The following GLCCI1 variants were observed in gnomAD, a reference collection of about 807,000 sequenced individuals.
GLCCI1 encodes the protein glucocorticoid-induced transcript 1 protein.
In GLCCI1, 24 loss-of-function variants were observed where a neutral mutation model predicts 52.2. That is an observed-to-expected ratio of 0.46 (90% CI 0.33 to 0.65). GLCCI1 has a LOEUF of 0.65. Ranked by LOEUF, GLCCI1 falls within the 30% of genes least tolerant of loss-of-function variation. The pLI, the probability that GLCCI1 is intolerant of heterozygous loss-of-function variation, is 0.02. For missense variants in GLCCI1, 704 were observed against 701.5 expected (o/e 1.00, Z -0.04); for synonymous variants, 310 against 276.5 (o/e 1.12, Z -1.20).
At chr7:8,002,936 C>T (rs1218418506) in intron 1 of GLCCI1, among the ~76,000 whole-genome samples, 2 of 152,182 alleles carry the variant, frequency 1.3e-5, no homozygotes, top group Non-Finnish European at 2.9e-5. Flanking sequence ...TGTATAATGT[C>T]TGTAGATTTT....
Position 8,086,520 on chromosome 7 carries a change from G to C in GLCCI1, c.1626G>C (p.Gln542His), listed in dbSNP as rs201397976. Residue 542 changes from glutamine to histidine, a missense_variant, in exon 8 of 8, where the codon CAG becomes CAC. Physicochemically the swap from Gln to His is conservative, Grantham distance 24. Coordinates refer to ENST00000223145, the MANE Select transcript of GLCCI1 (RefSeq NM_138426.4). This position sits in a 1 kb window ranked among gnomAD's most constrained non-coding sequence, Gnocchi z 4.4. ...ELQGEDHISA[Q>H]NYVII ...AGGGTGAGGACCACATCTCTGCTCAGAACTATGTGATCATCTAAAAAAGGG... is the reference window on the plus strand; with the variant it reads ...AGGGTGAGGACCACATCTCTGCTCACAACTATGTGATCATCTAAAAAAGGG... 1.3e-6 allele frequency: 2 copies of C among 1,591,930 alleles called. No individual in the cohort carries two copies. Among genetic ancestry groups the C allele is most frequent in the Admixed American group, 1.8e-5 (1 of 54,572 alleles).
At chr7:8,070,418 G>A (rs1223498054) in intron 5 of GLCCI1, 1 of 152,630 alleles carries the variant, frequency 6.6e-6, no homozygotes, top group East Asian at 1.9e-4. Flanking sequence ...TGGATAATTT[G>A]CAAAGGAAAT....
In GLCCI1 at chr7:7,969,939, A is replaced by C; in HGVS notation, c.457+132A>C. 72 of 1,098,490 alleles carry C rather than the reference A, an allele frequency of 6.6e-5. No homozygotes were observed. Among genetic ancestry groups the C allele is most frequent in the Non-Finnish European group, 7.3e-5 (65 of 893,038 alleles). The allele number at this position is 1,098,490 out of a possible 1,614,324, so 68.0% of individuals were successfully genotyped here. On this transcript the variant is annotated intron_variant, in intron 1 of 7. Coordinates refer to ENST00000223145, the MANE Select transcript of GLCCI1 (RefSeq NM_138426.4). The surrounding 1 kb of genome is among the most constrained non-coding windows in gnomAD (Gnocchi z 4.9). ...GTGTGAAAGTGGCTTTGGGAATCTC[A>C]CCCCCCTGCGGTCGCTGTGGGGCTT...
chr7:8,063,925 C>T (rs900395833), intron 5 of GLCCI1, among the ~76,000 whole-genome samples: 1 of 152,060 alleles, frequency 6.6e-6, no homozygotes, highest in African/African-American at 2.4e-5. Flanking sequence ...TCATACCTGG[C>T]CATTTGCCCA....
At chr7:8,060,794 G>C (rs1289689225) in intron 5 of GLCCI1, among the ~76,000 whole-genome samples, 1 of 152,148 alleles carries the variant, frequency 6.6e-6, no homozygotes, top group African/African-American at 2.4e-5. Flanking sequence ...TGTATACAAG[G>C]TTTTGTGTGA....
intron 6 of GLCCI1, among the ~76,000 whole-genome samples, chr7:8,075,319 C>G (rs1385749351): frequency 6.6e-6 from 1 of 152,116 alleles, no homozygotes; most frequent in African/African-American, 2.4e-5. Flanking sequence ...CTGAAGGGAA[C>G]TTGGTCACAC....
Position 7,969,724 on chromosome 7 carries a change from A to C in GLCCI1, c.374A>C (p.Lys125Thr). 7.1e-7 allele frequency: 1 copy of C among 1,409,548 alleles called. No individual in the cohort carries two copies. The highest frequency in any genetic ancestry group is 1.3e-5 in the South Asian group (1 of 75,294). The allele number at this position is 1,409,548 out of a possible 1,614,324, so 87.3% of individuals were successfully genotyped here. ...AAPAEQAPRA[K>T]GRPRRSPESH... ...CCGGCCGAGCAGGCGCCGCGGGCCA[A>C]GGGCCGCCCGAGACGGTCCCCAGAG... is the stretch of plus-strand genomic sequence containing the variant. Residue 125 changes from lysine (K) to threonine (T), a missense_variant, in exon 1 of 8, where the codon AAG becomes ACG. Transcript: ENST00000223145. This position sits in a 1 kb window ranked among gnomAD's most constrained non-coding sequence, Gnocchi z 4.9.
In GLCCI1 at chr7:8,060,260, T is replaced by C. The variant is rs775131129; in HGVS notation, c.966+12T>C. 2 of 1,596,514 alleles carry C rather than the reference T, an allele frequency of 1.3e-6. No individual in the cohort carries two copies. Among genetic ancestry groups the C allele is most frequent in the East Asian group, 2.2e-5 (1 of 44,748 alleles). ...AAGAAGTATCCAAGGTAAGGTTACA[T>C]GGGATATTTGAATCCTTTTTTTCTC... On this transcript the variant is annotated intron_variant, in intron 5 of 7. Coordinates refer to ENST00000223145, the MANE Select transcript of GLCCI1 (RefSeq NM_138426.4).
At chr7:8,045,309 G>A (rs1044673133) in intron 3 of GLCCI1, among the ~76,000 whole-genome samples, 5 of 152,072 alleles carry the variant, frequency 3.3e-5, no homozygotes, top group Non-Finnish European at 5.9e-5. Context: ...CTCAGACTGG[G>A]ACCATTTAGA....
At chr7:8,061,953 C>T (rs1782527252) in intron 5 of GLCCI1, among the ~76,000 whole-genome samples, 1 of 152,110 alleles carries the variant, frequency 6.6e-6, no homozygotes, top group African/African-American at 2.4e-5. Flanking sequence ...AGGCATGAGC[C>T]ACTGCGCCCA....
chr7:8,000,727 A>T (rs573610491), intron 1 of GLCCI1, among the ~76,000 whole-genome samples: 5 of 380 alleles, frequency 0.013, no homozygotes, highest in Non-Finnish European at 0.022. Flanking sequence ...GACAAATTAT[A>T]ATATGATGCA....
intron 2 of GLCCI1, among the ~76,000 whole-genome samples, chr7:8,016,090 A>G (rs139897190): frequency 5.5e-4 from 84 of 152,352 alleles, no homozygotes; most frequent in Non-Finnish European, 1.0e-3. Flanking sequence ...TATATCTTGT[A>G]TCAATTTTCT....
chr7:7,979,138 G>C (rs764187353), intron 1 of GLCCI1, among the ~76,000 whole-genome samples: 1 of 152,252 alleles, frequency 6.6e-6, no homozygotes, highest in African/African-American at 2.4e-5. Flanking sequence ...TATTGCAAAA[G>C]TGAGGATTTA....
At chr7:8,079,494 T>C (rs1562453315) in intron 6 of GLCCI1, among the ~76,000 whole-genome samples, 1 of 151,586 alleles carries the variant, frequency 6.6e-6, no homozygotes, top group Admixed American at 6.5e-5. Context: ...AGGACACTTT[T>C]CAGTTTTAAC....
intron 1 of GLCCI1, chr7:7,981,062 T>C: frequency 2.1e-6 from 1 of 476,342 alleles, no homozygotes. Flanking sequence ...CAGGCTTTAC[T>C]TTTAGAGATG....
intron 1 of GLCCI1, among the ~76,000 whole-genome samples, chr7:7,989,671 C>T (rs1780802293): frequency 6.6e-6 from 1 of 152,114 alleles, no homozygotes; most frequent in African/African-American, 2.4e-5. Context: ...AAGGAGACCA[C>T]TTGTGATAGC....
chr7:8,049,532 TA>T (rs1182134328), intron 3 of GLCCI1, among the ~76,000 whole-genome samples: 2 of 152,190 alleles, frequency 1.3e-5, no homozygotes, highest in African/African-American at 4.8e-5. Flanking sequence ...CATTATCTTT[TA>T]AAAACCAGAC....
intron 1 of GLCCI1, among the ~76,000 whole-genome samples, chr7:7,978,342 C>T (rs1780538057): frequency 1.3e-5 from 2 of 152,226 alleles, no homozygotes; most frequent in South Asian, 4.1e-4. Context: ...CATTTATCAT[C>T]CTTTGATATT....
At chr7:8,069,680 AG>A (rs1353212655) in intron 5 of GLCCI1, among the ~76,000 whole-genome samples, 1 of 152,236 alleles carries the variant, frequency 6.6e-6, no homozygotes, top group Non-Finnish European at 1.5e-5. Context: ...CAAGGGCAGC[AG>A]GGGCAGAACT....
Sources: allele counts gnomAD v4.1 joint callset (sites outside exome capture counted in the v4.1 genomes callset), GRCh38; gene constraint gnomAD v4.1.1; non-coding constraint Gnocchi (gnomAD v3.1); transcripts MANE v1.5; gene names NCBI Gene and HGNC (gene_info 2026-07-23, HGNC 2026-07-21).